The following XKR4 variants were observed in gnomAD, a reference collection of about 807,000 sequenced individuals.
The protein encoded by XKR4 is XK-related protein 4.
Under a neutral mutation model 53.9 loss-of-function variants are expected in XKR4, and 12 were observed. The observed-to-expected ratio is 0.22, with a 90% confidence interval of 0.14 to 0.36. The LOEUF (loss-of-function observed/expected upper bound fraction) is 0.36, where lower values mean the gene tolerates loss of function less well. Ranked by LOEUF, XKR4 falls within the 10% of genes least tolerant of loss-of-function variation. The pLI, the probability that XKR4 is intolerant of heterozygous loss-of-function variation, is 1.00. For missense variants in XKR4, 799 were observed against 859.5 expected (o/e 0.93, Z 0.88); for synonymous variants, 354 against 362.4 (o/e 0.98, Z 0.26).
chr8:55,412,537 G>T (rs1401750220), intron 2 of XKR4, among the ~76,000 whole-genome samples: 2 of 152,146 alleles, frequency 1.3e-5, no homozygotes, highest in Non-Finnish European at 2.9e-5. Context: ...CGGTTTGCTT[G>T]ATGCACACTG....
At chr8:55,368,458 G>T (rs1804025517) in intron 2 of XKR4, among the ~76,000 whole-genome samples, 1 of 152,088 alleles carries the variant, frequency 6.6e-6, no homozygotes, top group Admixed American at 6.5e-5. Flanking sequence ...GGCCCTGGCT[G>T]CTGCCCCATC....
intron 1 of XKR4, among the ~76,000 whole-genome samples, chr8:55,139,389 C>A (rs1227525833): frequency 6.6e-6 from 1 of 151,994 alleles, no homozygotes; most frequent in Non-Finnish European, 1.5e-5. Context: ...CAAAAATTAT[C>A]TGGATGCGGT....
chr8:55,370,196 G>A (rs555221912), intron 2 of XKR4, among the ~76,000 whole-genome samples: 47 of 152,288 alleles, frequency 3.1e-4, no homozygotes, highest in South Asian at 2.1e-3. Flanking sequence ...ATTATATAAT[G>A]TCAAATTGGT....
In XKR4 at chr8:55,527,308, A is replaced by G. The variant is rs990864754; in HGVS notation, c.*3081A>G. 6.6e-6 allele frequency: 1 copy of G among 152,234 alleles called. No homozygotes were observed. The highest frequency in any genetic ancestry group is 1.5e-5 in the Non-Finnish European group (1 of 68,042). 9.4% of individuals were successfully genotyped at this position (152,234 alleles called of 1,614,324 possible). A position where few individuals can be genotyped will look rare whatever the true frequency, so the allele number is the denominator to read the frequency against. On this transcript the variant is annotated 3_prime_UTR_variant, in exon 3 of 3. Transcript: ENST00000327381. Reference sequence around the variant, plus strand: ...TAACTGGAGAATCCCAAAGGAAAAAATTGGAAATGCTGGGTTCCTTATCTG... The same window carrying G: ...TAACTGGAGAATCCCAAAGGAAAAAGTTGGAAATGCTGGGTTCCTTATCTG...
At chr8:55,381,637 T>G (rs1804234617) in intron 2 of XKR4, among the ~76,000 whole-genome samples, 1 of 152,094 alleles carries the variant, frequency 6.6e-6, no homozygotes, top group Non-Finnish European at 1.5e-5. Context: ...GCCAATTGGG[T>G]GGAAGCCACC....
intron 1 of XKR4, among the ~76,000 whole-genome samples, chr8:55,216,611 C>A (rs896217352): frequency 4.0e-5 from 6 of 151,726 alleles, no homozygotes; most frequent in Admixed American, 3.3e-4. Context: ...CCTGTAATCC[C>A]AGCTACTCGG....
intron 1 of XKR4, among the ~76,000 whole-genome samples, chr8:55,348,221 T>C (rs1338436437): frequency 1.3e-5 from 2 of 151,972 alleles, no homozygotes; most frequent in Non-Finnish European, 2.9e-5. Flanking sequence ...TTAAATCACC[T>C]CAGTTATGAG....
At chr8:55,159,998 G>A (rs1263693249) in intron 1 of XKR4, among the ~76,000 whole-genome samples, 1 of 152,134 alleles carries the variant, frequency 6.6e-6, no homozygotes, top group Non-Finnish European at 1.5e-5. Context: ...ATTGATCTGA[G>A]CAAAGAAAAG....
Position 55,541,289 on chromosome 8 carries a change from G to T in XKR4, c.*17062G>T, listed in dbSNP as rs965149847. Reference sequence around the variant, plus strand: ...TTAATTTTGTTTGTTTGTTTCTAAGGTTGGTTTTGGGTAAAATCCTCATTT... The same window carrying T: ...TTAATTTTGTTTGTTTGTTTCTAAGTTTGGTTTTGGGTAAAATCCTCATTT... On this transcript the variant is annotated 3_prime_UTR_variant, in exon 3 of 3. Coordinates refer to ENST00000327381, the MANE Select transcript of XKR4 (RefSeq NM_052898.2). The T allele has an allele frequency of 2.0e-5, 3 of 152,160 alleles. No individual in the cohort carries two copies. Among genetic ancestry groups the T allele is most frequent in the African/African-American group, 7.2e-5 (3 of 41,444 alleles). The allele number at this position is 152,160 out of a possible 1,614,324, so 9.4% of individuals were successfully genotyped here.
Position 55,532,574 on chromosome 8 carries a change from T to A in XKR4, c.*8347T>A, listed in dbSNP as rs929604366. ...ACTTTGGGAGGCTGAGGCGGGCGGATCACAAGGTCAGGAGATCGAGACCAT... is the reference window on the plus strand; with the variant it reads ...ACTTTGGGAGGCTGAGGCGGGCGGAACACAAGGTCAGGAGATCGAGACCAT... On this transcript the variant is annotated 3_prime_UTR_variant, in exon 3 of 3. Coordinates refer to ENST00000327381, the MANE Select transcript of XKR4 (RefSeq NM_052898.2). 3 of 152,026 alleles carry A rather than the reference T, an allele frequency of 2.0e-5. No homozygotes were observed. The highest frequency in any genetic ancestry group is 4.4e-5 in the Non-Finnish European group (3 of 68,014). The allele number at this position is 152,026 out of a possible 1,614,324, so 9.4% of individuals were successfully genotyped here. A position where few individuals can be genotyped will look rare whatever the true frequency, so the allele number is the denominator to read the frequency against.
At chr8:55,244,202 A>G (rs1818251091) in intron 1 of XKR4, among the ~76,000 whole-genome samples, 1 of 152,148 alleles carries the variant, frequency 6.6e-6, no homozygotes, top group African/African-American at 2.4e-5. Context: ...TAGTTTTTCT[A>G]TCCTCTCCCT....
intron 1 of XKR4, among the ~76,000 whole-genome samples, chr8:55,218,719 A>T (rs1817837688): frequency 6.6e-6 from 1 of 152,258 alleles, no homozygotes; most frequent in Non-Finnish European, 1.5e-5. Context: ...AGGCACCTTT[A>T]TAGCAAGCTA....
intron 2 of XKR4, among the ~76,000 whole-genome samples, chr8:55,522,693 T>C (rs973766577): frequency 2.6e-5 from 4 of 152,106 alleles, no homozygotes; most frequent in African/African-American, 9.7e-5. Context: ...GTCATGAGGG[T>C]AGTAAGTGGC....
intron 1 of XKR4, among the ~76,000 whole-genome samples, chr8:55,289,605 GAAAGAA>G (rs1427023661): frequency 2.9e-5 from 3 of 104,032 alleles, no homozygotes; most frequent in East Asian, 2.6e-4. Flanking sequence ...AAGAAAGAAA[GAAAGAA>G]AGAAAGAAAG....
intron 2 of XKR4, among the ~76,000 whole-genome samples, chr8:55,374,329 G>A (rs140184337): frequency 1.3e-5 from 2 of 152,360 alleles, no homozygotes; most frequent in East Asian, 3.9e-4. Flanking sequence ...AGGGGGAGCA[G>A]CATATGAATA....
intron 1 of XKR4, among the ~76,000 whole-genome samples, chr8:55,333,340 AC>A (rs1803407343): frequency 6.6e-6 from 1 of 152,078 alleles, no homozygotes. Context: ...ACAAATAGCC[AC>A]CCCTCTATCT....
At chr8:55,522,490 T>G (rs1314667034) in intron 2 of XKR4, among the ~76,000 whole-genome samples, 1 of 152,200 alleles carries the variant, frequency 6.6e-6, no homozygotes, top group African/African-American at 2.4e-5. Flanking sequence ...ACCTTTTATT[T>G]TTAAGAATGC....
In XKR4 at chr8:55,523,964, G is replaced by A. The variant is rs2129406051; in HGVS notation, c.1690G>A (p.Ala564Thr). 6.2e-7 allele frequency: 1 copy of A among 1,614,160 alleles called. No individual in the cohort carries two copies. Among genetic ancestry groups the A allele is most frequent in the African/African-American group, 1.3e-5 (1 of 75,022 alleles). ...SVVSDRDQKF[A>T]ERDGCVPVFQ... ...TGTCAGCGACCGCGATCAGAAATTCGCAGAGCGGGATGGGTGTGTACCTGT... is the reference window on the plus strand; with the variant it reads ...TGTCAGCGACCGCGATCAGAAATTCACAGAGCGGGATGGGTGTGTACCTGT... The change falls in exon 3 of 3, where the codon GCA becomes ACA. Residue 564 changes from alanine (A) to threonine (T), a missense_variant. Physicochemically the swap from Ala to Thr is moderately conservative, Grantham distance 58. This residue lies in a region of XKR4 where 269 missense variants were observed against 264.4 expected (regional missense o/e 1.02). Transcript: ENST00000327381.
chr8:55,257,395 G>A (rs1818452596), intron 1 of XKR4, among the ~76,000 whole-genome samples: 1 of 151,850 alleles, frequency 6.6e-6, no homozygotes, highest in African/African-American at 2.4e-5. Context: ...CAGAGTGGAG[G>A]AGAAAGAGAA....
Sources: allele counts gnomAD v4.1 joint callset (sites outside exome capture counted in the v4.1 genomes callset), GRCh38; gene constraint gnomAD v4.1.1; regional missense constraint gnomAD v4.1.1; transcripts MANE v1.5; gene names NCBI Gene and HGNC (gene_info 2026-07-23, HGNC 2026-07-21).